Variants in RNF44 observed in about 807,000 individuals in gnomAD.
The protein encoded by RNF44 is ring finger protein 44.
RNF44 carries 25 observed loss-of-function variants against 53.6 expected under a neutral mutation model. The observed-to-expected ratio is 0.47, with a 90% CI of 0.34 to 0.65. RNF44 has a LOEUF of 0.65. Ranked by LOEUF, RNF44 falls within the 30% of genes least tolerant of loss-of-function variation. The pLI is 0.01. For missense variants in RNF44, 581 were observed against 595.5 expected (o/e 0.98, Z 0.25); for synonymous variants, 282 against 252.2 (o/e 1.12, Z -1.12).
chr5:176,531,683 G>A lies in RNF44; in HGVS notation c.298-53C>T. 3 of 1,524,226 alleles carry A rather than the reference G, an allele frequency of 2.0e-6. No homozygotes were observed. Among genetic ancestry groups the A allele is most frequent in the East Asian group, 4.6e-5 (2 of 43,354 alleles). 94.4% of individuals were successfully genotyped at this position (1,524,226 alleles called of 1,614,324 possible). Reference sequence around the variant, plus strand: ...TATGAAAAGGAAGCTGACCGCGAGGGCTACTCTCAGGAGAAATCATCCTGC... The same window carrying A: ...TATGAAAAGGAAGCTGACCGCGAGGACTACTCTCAGGAGAAATCATCCTGC... On this transcript the variant is annotated intron_variant, in intron 3 of 10. Coordinates refer to ENST00000274811, the MANE Select transcript of RNF44 (RefSeq NM_014901.5). The surrounding 1 kb of genome is among the most constrained non-coding windows in gnomAD (Gnocchi z 4.2).
chr5:176,539,413 G>A (rs1224805129), upstream of RNF44, among the ~76,000 whole-genome samples: 1 of 152,078 alleles, frequency 6.6e-6, no homozygotes, highest in Non-Finnish European at 1.5e-5. Context: ...CCCATGGCCG[G>A]GCACGGTGGC....
chr5:176,539,821 C>T (rs1238866447), upstream of RNF44, among the ~76,000 whole-genome samples: 1 of 152,178 alleles, frequency 6.6e-6, no homozygotes, highest in African/African-American at 2.4e-5. Flanking sequence ...TGGGGCTGCA[C>T]TTAACAAGCT....
At position 176,530,549 on chromosome 5, in the gene RNF44, T is replaced by C. The variant is rs112259062; in HGVS notation, c.801+33A>G. 339 of 1,382,566 alleles carry C rather than the reference T, an allele frequency of 2.5e-4. 1 individual carries two copies. In the African/African-American group the frequency reaches 3.0e-3, roughly 12 times the overall value. The allele number at this position is 1,382,566 out of a possible 1,614,324, so 85.6% of individuals were successfully genotyped here. A position where few individuals can be genotyped will look rare whatever the true frequency, so the allele number is the denominator to read the frequency against. On this transcript the variant is annotated intron_variant, in intron 6 of 10. Coordinates refer to ENST00000274811, the MANE Select transcript of RNF44 (RefSeq NM_014901.5). ...CAGCGGGTCTGCCTCCCAGCTGCCC[T>C]GGAGCCCAGGTGGGGGTCGGGGTGG...
chr5:176,531,093 A>G lies in RNF44; in HGVS notation c.466-72T>C. 3.5e-6 allele frequency: 4 copies of G among 1,150,826 alleles called. No individual in the cohort carries two copies. The highest frequency in any genetic ancestry group is 4.7e-6 in the Non-Finnish European group (4 of 855,824). 71.3% of individuals were successfully genotyped at this position (1,150,826 alleles called of 1,614,324 possible). A position where few individuals can be genotyped will look rare whatever the true frequency, so the allele number is the denominator to read the frequency against. ...GGGCCAGGTCTACGCCATGCCACCC[A>G]GCAAAAGGCCCCCACCGGGCACACA... On this transcript the variant is annotated intron_variant, in intron 4 of 10. Transcript: ENST00000274811. The surrounding 1 kb of genome is among the most constrained non-coding windows in gnomAD (Gnocchi z 4.2).
rs1756427876 is a variant in RNF44 at position 176,530,127 on chromosome 5, G to A, written c.881C>T (p.Pro294Leu). ...GGGGTAGTAGGGTGGTGGGGGTGGG[G>A]GTGGGGGCGGCGGGGGCAGTGGCTG... is the stretch of plus-strand genomic sequence containing the variant. ...LQQPLPPPPP[P>L]PPPPPYYPSF... Residue 294 changes from proline to leucine, a missense_variant, in exon 7 of 11, where the codon CCC becomes CTC. By Grantham distance (98) the Pro-to-Leu change is moderately conservative (BLOSUM62 -3). Transcript: ENST00000274811. 4.7e-6 allele frequency: 6 copies of A among 1,274,160 alleles called. No individual in the cohort carries two copies. The highest frequency in any genetic ancestry group is 6.0e-6 in the Non-Finnish European group (6 of 995,944). The allele number at this position is 1,274,160 out of a possible 1,614,324, so 78.9% of individuals were successfully genotyped here.
Position 176,531,392 on chromosome 5 carries a change from G to A in RNF44, c.465+71C>T. The A allele has an allele frequency of 2.1e-6, 3 of 1,461,498 alleles. No individual in the cohort carries two copies. The highest frequency in any genetic ancestry group is 2.8e-6 in the Non-Finnish European group (3 of 1,088,916). The allele number at this position is 1,461,498 out of a possible 1,614,324, so 90.5% of individuals were successfully genotyped here. A position where few individuals can be genotyped will look rare whatever the true frequency, so the allele number is the denominator to read the frequency against. On this transcript the variant is annotated intron_variant, in intron 4 of 10. Coordinates refer to ENST00000274811, the MANE Select transcript of RNF44 (RefSeq NM_014901.5). This position sits in a 1 kb window ranked among gnomAD's most constrained non-coding sequence, Gnocchi z 4.2. ...CTCAGCCCAGTTCAGGGCTGCCCTG[G>A]GCCCGCTGAGCCGCTGGCCTGTGCC...
At chr5:176,533,473 A>C (rs1756890909) in intron 1 of RNF44, among the ~76,000 whole-genome samples, 1 of 152,186 alleles carries the variant, frequency 6.6e-6, no homozygotes, top group Non-Finnish European at 1.5e-5. Flanking sequence ...AGGTGGGCCA[A>C]AGAAAGCCTC....
intron 9 of RNF44, 67 bp downstream of exon 9, chr5:176,529,456 C>T: frequency 1.2e-6 from 2 of 1,606,608 alleles, no homozygotes; most frequent in Non-Finnish European, 1.7e-6. Context: ...GTGTGACTCC[C>T]CTGAGAGGGG....
chr5:176,534,230 G>C (rs1022359098), intron 1 of RNF44, among the ~76,000 whole-genome samples: 1 of 152,232 alleles, frequency 6.6e-6, no homozygotes, highest in Non-Finnish European at 1.5e-5. Context: ...CACCCAGTCT[G>C]GCAGCAATGC....
upstream of RNF44, among the ~76,000 whole-genome samples, chr5:176,540,901 A>T (rs565450932): frequency 1.2e-4 from 18 of 152,212 alleles, no homozygotes; most frequent in Non-Finnish European, 2.4e-4. Flanking sequence ...AGTTTTTCAA[A>T]TGAAGCCAGA....
rs961832243 is a variant in RNF44, at chr5:176,528,384, C to T, written c.*644G>A. 6.6e-6 allele frequency: 1 copy of T among 152,370 alleles called. No homozygotes were observed. The highest frequency in any genetic ancestry group is 2.1e-4 in the South Asian group (1 of 4,834). 9.4% of individuals were successfully genotyped at this position (152,370 alleles called of 1,614,324 possible). A position where few individuals can be genotyped will look rare whatever the true frequency, so the allele number is the denominator to read the frequency against. ...CCCAAGCCCCTCAGGATACGTGTGC[C>T]CCAGCTCGGGATTAGGCTGGGACGC... On this transcript the variant is annotated 3_prime_UTR_variant, in exon 11 of 11. Coordinates refer to ENST00000274811, the MANE Select transcript of RNF44 (RefSeq NM_014901.5).
intron 1 of RNF44, among the ~76,000 whole-genome samples, chr5:176,533,506 G>A (rs1756896317): frequency 6.6e-6 from 1 of 152,220 alleles, no homozygotes; most frequent in Admixed American, 6.5e-5. Flanking sequence ...GCTGCCGACG[G>A]AGAGGACCAG....
At position 176,528,703 on chromosome 5, in the gene RNF44, T is replaced by C; in HGVS notation, c.*325A>G. The C allele has an allele frequency of 4.9e-6, 2 of 406,096 alleles. No individual in the cohort carries two copies. The highest frequency in any genetic ancestry group is 4.2e-5 in the Admixed American group (1 of 23,728). 25.2% of individuals were successfully genotyped at this position (406,096 alleles called of 1,614,324 possible). ...GGCCAAGGATCTCCACCGGCCCCACTGAGGGAGCGGACCCCTGGCACTCAG... is the reference window on the plus strand; with the variant it reads ...GGCCAAGGATCTCCACCGGCCCCACCGAGGGAGCGGACCCCTGGCACTCAG... On this transcript the variant is annotated 3_prime_UTR_variant, in exon 11 of 11. Coordinates refer to ENST00000274811, the MANE Select transcript of RNF44 (RefSeq NM_014901.5).
chr5:176,538,851 A>G (rs1304574477), upstream of RNF44, among the ~76,000 whole-genome samples: 2 of 148,702 alleles, frequency 1.3e-5, no homozygotes, highest in Non-Finnish European at 3.0e-5. Context: ...ATATTTCTGG[A>G]AGGGTATACA....
chr5:176,542,082 C>A (rs1475344344), upstream of RNF44, among the ~76,000 whole-genome samples: 1 of 152,224 alleles, frequency 6.6e-6, no homozygotes, highest in Non-Finnish European at 1.5e-5. Context: ...AGGTGCTCCC[C>A]GTCTGGGGCT....
upstream of RNF44, among the ~76,000 whole-genome samples, chr5:176,540,084 A>G (rs1346953362): frequency 1.3e-5 from 2 of 152,136 alleles, no homozygotes; most frequent in African/African-American, 4.8e-5. Flanking sequence ...CCATTTTTGA[A>G]CGCAGAGCTA....
Position 176,531,451 on chromosome 5 carries a change from ACACT to A in RNF44, c.465+8_465+11del. On this transcript the variant is annotated splice_region_variant and intron_variant, in intron 4 of 10. Transcript: ENST00000274811. This position sits in a 1 kb window ranked among gnomAD's most constrained non-coding sequence, Gnocchi z 4.2. ...GCAGCTGGTGGAGGAGGAGCTAGAA[ACACT>A]CACTCACCGGGGGCGGGAGGCAGCA... 2.6e-6 allele frequency: 4 copies of A among 1,548,796 alleles called. No homozygotes were observed. Among genetic ancestry groups the A allele is most frequent in the South Asian group, 1.2e-5 (1 of 84,102 alleles).
chr5:176,527,363 G>C lies in RNF44; in HGVS notation c.*1665C>G, dbSNP rs1408635675. ...GCTGCTTGTTGGAATCACTGCTGCA[G>C]CCGACACACAATCTGTGAGCCTGTT... On this transcript the variant is annotated 3_prime_UTR_variant, in exon 11 of 11. Coordinates refer to ENST00000274811, the MANE Select transcript of RNF44 (RefSeq NM_014901.5). 6.6e-6 allele frequency: 1 copy of C among 152,552 alleles called. No homozygotes were observed. The highest frequency in any genetic ancestry group is 1.5e-5 in the Non-Finnish European group (1 of 68,040). The allele number at this position is 152,552 out of a possible 1,614,324, so 9.4% of individuals were successfully genotyped here. A position where few individuals can be genotyped will look rare whatever the true frequency, so the allele number is the denominator to read the frequency against.
intron 1 of RNF44, among the ~76,000 whole-genome samples, chr5:176,535,521 C>T (rs755711522): frequency 2.4e-4 from 37 of 152,158 alleles, no homozygotes; most frequent in South Asian, 1.7e-3. Context: ...AAACTGGAGC[C>T]GAGAGAAAGG....
Sources: gnomAD v4.1 joint callset for allele counts (sites outside exome capture counted in the v4.1 genomes callset) on GRCh38, gnomAD v4.1.1 for gene constraint, Gnocchi (gnomAD v3.1) non-coding constraint, MANE v1.5 for transcripts, NCBI Gene and HGNC (gene_info 2026-07-23, HGNC 2026-07-21) for gene names.